The following CSMD1 variants were observed in gnomAD, a reference collection of about 807,000 sequenced individuals.
CSMD1 encodes CUB and Sushi multiple domains 1, also known as CUB and sushi domain-containing protein 1.
A neutral mutation model predicts 417.5 loss-of-function variants in CSMD1; 213 were observed. The observed-to-expected ratio is 0.51, with a 90% CI of 0.46 to 0.57. The LOEUF is 0.57. CSMD1 is among the 20% of genes least tolerant of loss of function. The pLI is 0.00. For synonymous variants in CSMD1, 2,862 were observed against 1,736.8 expected, an observed-to-expected ratio of 1.65 and a Z score of -16.11; for missense variants, 6,923 against 4,529.7, an observed-to-expected ratio of 1.53 and a Z score of -15.17.
intron 5 of CSMD1, among the ~76,000 whole-genome samples, chr8:3,810,206 T>C (rs1323917185): frequency 6.6e-6 from 1 of 152,202 alleles, no homozygotes; most frequent in Non-Finnish European, 1.5e-5. Flanking sequence ...GTCAGGACAG[T>C]CTAGTCTTTG....
intron 3 of CSMD1, among the ~76,000 whole-genome samples, chr8:4,051,144 G>T (rs1029625543): frequency 6.6e-6 from 1 of 151,980 alleles, no homozygotes; most frequent in Non-Finnish European, 1.5e-5. Flanking sequence ...AAAGAAAAAA[G>T]ACCAGGAGTA....
chr8:4,022,610 G>A (rs139970586), intron 4 of CSMD1, among the ~76,000 whole-genome samples: 46 of 152,248 alleles, frequency 3.0e-4, no homozygotes, highest in African/African-American at 9.9e-4. Flanking sequence ...ACTGCTTTGC[G>A]ACAGTCCTAG....
chr8:3,458,771 A>T (rs1374527037), intron 12 of CSMD1, among the ~76,000 whole-genome samples: 1 of 152,210 alleles, frequency 6.6e-6, no homozygotes, highest in Non-Finnish European at 1.5e-5. Flanking sequence ...TAAATGGCTC[A>T]CCAAGATGAA....
rs565888792 is a variant in CSMD1 at position 2,935,566 on chromosome 8, C to A, written c.*3019G>T. ...ACATTTTACATTATTGGGAAAATTA[C>A]AGTTCTGTATTGTAAAAACATTTAT... On this transcript the variant is annotated 3_prime_UTR_variant, in exon 70 of 70. Coordinates refer to ENST00000635120, the MANE Select transcript of CSMD1 (RefSeq NM_033225.6). The A allele has an allele frequency of 9.9e-5, 15 of 152,074 alleles. No homozygotes were observed. Among genetic ancestry groups the A allele is most frequent in the Non-Finnish European group, 1.9e-4 (13 of 68,014 alleles). The allele number at this position is 152,074 out of a possible 1,614,324, so 9.4% of individuals were successfully genotyped here.
intron 1 of CSMD1, among the ~76,000 whole-genome samples, chr8:4,844,921 C>G (rs1330418583): frequency 6.6e-6 from 1 of 152,088 alleles, no homozygotes; most frequent in Non-Finnish European, 1.5e-5. Flanking sequence ...TACTTAACTT[C>G]GTGTTTCCCA....
intron 3 of CSMD1, among the ~76,000 whole-genome samples, chr8:4,158,821 T>C (rs572695913): frequency 9.2e-5 from 14 of 152,306 alleles, no homozygotes; most frequent in Admixed American, 3.3e-4. Context: ...TGGGATGATG[T>C]AGAATCCAAT....
At chr8:3,454,069 G>C (rs1053952258) in intron 12 of CSMD1, among the ~76,000 whole-genome samples, 2 of 152,000 alleles carry the variant, frequency 1.3e-5, no homozygotes, top group South Asian at 2.1e-4. Context: ...TTATGTAATG[G>C]CCTTCTTTGT....
At chr8:4,341,118 C>G (rs28380213) in intron 3 of CSMD1, among the ~76,000 whole-genome samples, 2 of 152,012 alleles carry the variant, frequency 1.3e-5, no homozygotes, top group African/African-American at 2.4e-5. Context: ...TCCAATACAT[C>G]GTTGCCTAGG....
At chr8:4,055,342 A>T (rs1798637186) in intron 3 of CSMD1, among the ~76,000 whole-genome samples, 1 of 152,106 alleles carries the variant, frequency 6.6e-6, no homozygotes, top group Admixed American at 6.5e-5. Context: ...TAGATTACAA[A>T]AATATCCTTT....
At chr8:3,172,214 T>C (rs958534678) in intron 37 of CSMD1, among the ~76,000 whole-genome samples, 10 of 152,344 alleles carry the variant, frequency 6.6e-5, no homozygotes, top group African/African-American at 2.4e-4. Context: ...TTGTCTTCCT[T>C]TTCTGACTGC....
intron 1 of CSMD1, among the ~76,000 whole-genome samples, chr8:4,871,938 ATCTC>A (rs1802761500): frequency 6.6e-6 from 1 of 151,886 alleles, no homozygotes; most frequent in African/African-American, 2.4e-5. Context: ...TTTACCCACT[ATCTC>A]TATGGTCTGG....
At chr8:4,027,780 A>G (rs1797139366) in intron 4 of CSMD1, among the ~76,000 whole-genome samples, 1 of 152,200 alleles carries the variant, frequency 6.6e-6, no homozygotes, top group Non-Finnish European at 1.5e-5. Flanking sequence ...ATAACATAGT[A>G]AAGGCAGAAA....
intron 3 of CSMD1, among the ~76,000 whole-genome samples, chr8:4,035,572 G>A (rs574474962): frequency 2.0e-5 from 3 of 152,222 alleles, no homozygotes; most frequent in African/African-American, 7.2e-5. Context: ...CTAGGCTAGG[G>A]TGTGTGTTTG....
intron 6 of CSMD1, among the ~76,000 whole-genome samples, chr8:3,710,305 C>G (rs965189518): frequency 1.3e-5 from 2 of 152,124 alleles, no homozygotes; most frequent in African/African-American, 4.8e-5. Context: ...TCTATCTATA[C>G]ACACTCAGGC....
chr8:4,738,702 C>A (rs940259491), intron 1 of CSMD1, among the ~76,000 whole-genome samples: 2 of 152,040 alleles, frequency 1.3e-5, no homozygotes, highest in South Asian at 2.1e-4. Flanking sequence ...TATAAATTTT[C>A]ATTGATATAT....
chr8:3,662,250 C>G (rs1041700755), intron 7 of CSMD1, among the ~76,000 whole-genome samples: 5 of 152,252 alleles, frequency 3.3e-5, no homozygotes, highest in Admixed American at 2.0e-4. Context: ...ATGCTCAATC[C>G]CAGATGGGAG....
chr8:4,862,123 G>C (rs142012413), intron 1 of CSMD1, among the ~76,000 whole-genome samples: 15 of 152,146 alleles, frequency 9.9e-5, no homozygotes, highest in Non-Finnish European at 1.8e-4. Context: ...TCAGCTCTAA[G>C]GGTCTGGGGA....
chr8:4,355,665 C>A (rs1801386610), intron 3 of CSMD1, among the ~76,000 whole-genome samples: 1 of 152,306 alleles, frequency 6.6e-6, no homozygotes. Context: ...TGCTATAAAA[C>A]CTCCAAAGCC....
intron 12 of CSMD1, among the ~76,000 whole-genome samples, chr8:3,429,211 C>A (rs67658161): frequency 0.46 from 69,790 of 152,030 alleles, 16,089 homozygotes; most frequent in South Asian, 0.53. Context: ...TAAAGAAACG[C>A]TGAACGTTGG....
Sources: gnomAD v4.1 joint callset for allele counts (sites outside exome capture counted in the v4.1 genomes callset) on GRCh38, gnomAD v4.1.1 for gene constraint, MANE v1.5 for transcripts, NCBI Gene and HGNC (gene_info 2026-07-23, HGNC 2026-07-21) for gene names.